Variants in ST3GAL1 observed in about 807,000 individuals in gnomAD.
ST3GAL1 encodes the protein ST3 beta-galactoside alpha-2,3-sialyltransferase 1.
Under a neutral mutation model 34.1 loss-of-function variants are expected in ST3GAL1, and 16 were observed. That is an observed-to-expected ratio of 0.47 (90% CI 0.32 to 0.71). The LOEUF is 0.71. ST3GAL1 is among the 30% of genes least tolerant of loss of function. The pLI, the probability that ST3GAL1 is intolerant of heterozygous loss-of-function variation, is 0.04. For synonymous variants in ST3GAL1, 191 were observed against 184.7 expected (o/e 1.03, Z -0.28); for missense variants, 353 against 447.4 (o/e 0.79, Z 1.90).
At chr8:133,515,083 G>A (rs1817603205) in intron 2 of ST3GAL1, among the ~76,000 whole-genome samples, 1 of 152,092 alleles carries the variant, frequency 6.6e-6, no homozygotes, top group African/African-American at 2.4e-5. Flanking sequence ...CCCTCTGCCA[G>A]CTTCTTCATT....
rs1443703370 is a variant in ST3GAL1, at chr8:133,467,631, G to C, written c.307-1541C>G. 1.3e-5 allele frequency among the ~76,000 whole-genome samples: 2 copies of C among 152,196 alleles called. No individual in the cohort carries two copies. The highest frequency in any genetic ancestry group is 2.9e-5 in the Non-Finnish European group (2 of 68,038). On this transcript the variant is annotated intron_variant, in intron 5 of 9. Coordinates refer to ENST00000522652, the MANE Select transcript of ST3GAL1 (RefSeq NM_173344.3). This position sits in a 1 kb window ranked among gnomAD's most constrained non-coding sequence, Gnocchi z 4.2. The stretch of plus-strand genomic sequence containing the variant: ...CCCAGACCCTGGATTTTGGGGTAGG[G>C]GTGATAAGCTGTGGGGTGATTCCCA...
chr8:133,551,592 AAGAAAGAAAGAAAGAAAGAAAGAAAG>A (rs1490814342), intron 1 of ST3GAL1, among the ~76,000 whole-genome samples: 4 of 149,968 alleles, frequency 2.7e-5, no homozygotes, highest in Admixed American at 1.3e-4. Flanking sequence ...GAAAGAAAGA[AAGAAAGAAAGAAAGAAAGAAAGAAAG>A]AGCGAGCAAG....
intron 2 of ST3GAL1, among the ~76,000 whole-genome samples, chr8:133,529,953 T>C (rs1518895): frequency 0.38 from 57,792 of 152,068 alleles, 12,465 homozygotes; most frequent in East Asian, 0.63. Flanking sequence ...TAGCACCTGT[T>C]CTCCTACACA....
At chr8:133,535,271 A>G (rs77836036) in intron 2 of ST3GAL1, among the ~76,000 whole-genome samples, 4,861 of 152,250 alleles carry the variant, frequency 0.032, 149 homozygotes, top group East Asian at 0.14. Flanking sequence ...CCATAGCCAC[A>G]TCTTTAGCTT....
chr8:133,459,020 G>C lies in ST3GAL1; in HGVS notation c.*744C>G, dbSNP rs1815398421. Reference sequence around the variant, plus strand: ...CCCTCCTCAGCCTCCCTAGTAGCTGGGGCTACAAGTGTGTGCCACCGTGCC... The same window carrying C: ...CCCTCCTCAGCCTCCCTAGTAGCTGCGGCTACAAGTGTGTGCCACCGTGCC... On this transcript the variant is annotated 3_prime_UTR_variant, in exon 10 of 10. Transcript: ENST00000522652. This position sits in a 1 kb window ranked among gnomAD's most constrained non-coding sequence, Gnocchi z 4.7. 1 of 151,684 alleles carries C rather than the reference G, an allele frequency of 6.6e-6. No individual in the cohort carries two copies. Among genetic ancestry groups the C allele is most frequent in the Admixed American group, 6.6e-5 (1 of 15,220 alleles). 9.4% of individuals were successfully genotyped at this position (151,684 alleles called of 1,614,324 possible).
intron 3 of ST3GAL1, among the ~76,000 whole-genome samples, chr8:133,478,130 C>G (rs930327552): frequency 6.6e-6 from 1 of 152,210 alleles, no homozygotes; most frequent in African/African-American, 2.4e-5. Context: ...TTGTTTATAA[C>G]CTAGTGGTGT....
chr8:133,522,168 T>C (rs1316827925), intron 2 of ST3GAL1, among the ~76,000 whole-genome samples: 1 of 152,228 alleles, frequency 6.6e-6, no homozygotes, highest in Non-Finnish European at 1.5e-5. Context: ...TTTAAAATTC[T>C]ATTCCTAGAA....
intron 2 of ST3GAL1, among the ~76,000 whole-genome samples, chr8:133,543,793 A>T (rs1818600843): frequency 1.3e-5 from 2 of 151,190 alleles, no homozygotes; most frequent in Non-Finnish European, 2.9e-5. Context: ...ATCACTGTTA[A>T]CATCATCATC....
chr8:133,551,610 GAAA>G (rs1563739234), intron 1 of ST3GAL1, among the ~76,000 whole-genome samples: 3 of 145,308 alleles, frequency 2.1e-5, no homozygotes, highest in East Asian at 2.1e-4. Context: ...AAGAAAGAAA[GAAA>G]GAAAGAGCGA....
chr8:133,534,648 T>A lies in ST3GAL1; in HGVS notation c.-429+11126A>T, dbSNP rs375745920. 3.3e-5 allele frequency among the ~76,000 whole-genome samples: 5 copies of A among 152,194 alleles called. No homozygotes were observed. The East Asian group carries it at 5.8e-4, about 18-fold the overall frequency. On this transcript the variant is annotated intron_variant, in intron 2 of 9. Transcript: ENST00000522652. ...AGCCCACAGACATGGGGTCCGCCCA[T>A]TTCCAGTTCTCCAAAGGCTGGAGGC...
At position 133,475,959 on chromosome 8, in the gene ST3GAL1, G is replaced by A. The variant is rs1173964440; in HGVS notation, c.66C>T (p.Thr22=). 3.1e-6 allele frequency: 5 copies of A among 1,613,740 alleles called. No individual in the cohort carries two copies. The highest frequency in any genetic ancestry group is 2.2e-5 in the South Asian group (2 of 91,062). The stretch of plus-strand genomic sequence containing the variant: ...TGTGGGAGTAGTTCAGGAAGAAGGA[G>A]GTGAGGAAGATGAAGAGCACGAGGA... ...LTFLVLFIFL[T]SFFLNYSHTM... Residue 22 remains threonine, a synonymous_variant, in exon 5 of 10, where the codon ACC becomes ACT. Transcript: ENST00000522652.
chr8:133,485,511 C>T (rs991998809), intron 3 of ST3GAL1, among the ~76,000 whole-genome samples: 2 of 152,156 alleles, frequency 1.3e-5, no homozygotes, highest in African/African-American at 2.4e-5. Context: ...CCTGGATCCC[C>T]GAATCAAATC....
chr8:133,518,021 A>G (rs1001880231), intron 2 of ST3GAL1, among the ~76,000 whole-genome samples: 8 of 152,070 alleles, frequency 5.3e-5, no homozygotes, highest in African/African-American at 1.9e-4. Context: ...ACTGCTCTCT[A>G]CTGTCTTGCC....
intron 7 of ST3GAL1, among the ~76,000 whole-genome samples, chr8:133,464,484 T>C (rs1370134807): frequency 6.6e-6 from 1 of 152,228 alleles, no homozygotes; most frequent in Non-Finnish European, 1.5e-5. Context: ...TGAACTCACA[T>C]GGGCTGACCC....
intron 2 of ST3GAL1, among the ~76,000 whole-genome samples, chr8:133,532,773 T>A (rs1357016712): frequency 1.3e-5 from 2 of 152,178 alleles, no homozygotes; most frequent in African/African-American, 4.8e-5. Context: ...TTCCTGCCCT[T>A]GTGCAGGATC....
rs1334346797 is a variant in ST3GAL1, at chr8:133,570,728, G to A, written c.-582+965C>T. On this transcript the variant is annotated intron_variant, in intron 1 of 9. Transcript: ENST00000522652. The surrounding 1 kb of genome is among the most constrained non-coding windows in gnomAD (Gnocchi z 5.6). Reference sequence around the variant, plus strand: ...ACACTCGCGCAGAGAAAGGAGGAGCGGAAAGTTGCGCCACCGTCCCGATTC... The same window carrying A: ...ACACTCGCGCAGAGAAAGGAGGAGCAGAAAGTTGCGCCACCGTCCCGATTC... Among the ~76,000 whole-genome samples the A allele has an allele frequency of 6.6e-6, 1 of 152,112 alleles. No individual in the cohort carries two copies. The highest frequency in any genetic ancestry group is 1.5e-5 in the Non-Finnish European group (1 of 68,024).
At chr8:133,479,512 C>T (rs1816305110) in intron 3 of ST3GAL1, among the ~76,000 whole-genome samples, 1 of 152,202 alleles carries the variant, frequency 6.6e-6, no homozygotes, top group Non-Finnish European at 1.5e-5. Flanking sequence ...CTAGGACACC[C>T]TTGCCCTTAG....
intron 3 of ST3GAL1, among the ~76,000 whole-genome samples, chr8:133,490,762 A>G (rs1816761093): frequency 6.6e-6 from 1 of 152,216 alleles, no homozygotes; most frequent in African/African-American, 2.4e-5. Context: ...GACTGAAGGC[A>G]AAGGGGAGCC....
intron 2 of ST3GAL1, among the ~76,000 whole-genome samples, chr8:133,509,994 G>A (rs561332155): frequency 6.4e-4 from 96 of 150,810 alleles, no homozygotes; most frequent in African/African-American, 2.0e-3. Flanking sequence ...AGAAGGCAGA[G>A]GTTGCAGTGA....
Sources: allele counts gnomAD v4.1 joint callset (sites outside exome capture counted in the v4.1 genomes callset), GRCh38; gene constraint gnomAD v4.1.1; non-coding constraint Gnocchi (gnomAD v3.1); transcripts MANE v1.5; gene names NCBI Gene and HGNC (gene_info 2026-07-23, HGNC 2026-07-21).